ADAM23: variants seen among roughly 807,000 people sequenced by gnomAD.
ADAM23 encodes ADAM metallopeptidase domain 23.
A neutral mutation model predicts 120.1 loss-of-function variants in ADAM23; 33 were observed. That is an observed-to-expected ratio of 0.27 (90% CI 0.21 to 0.37). The LOEUF (loss-of-function observed/expected upper bound fraction) is 0.37. Among genes scored for constraint, ADAM23 ranks in the 10% least tolerant of loss-of-function variants. The probability of loss-of-function intolerance (pLI) is 1.00; values close to 1 mark genes in which losing one functional copy is unlikely to be tolerated. For synonymous variants in ADAM23, 367 were observed against 375.2 expected, an observed-to-expected ratio of 0.98 and a Z score of 0.25; for missense variants, 862 against 1,058.2, an observed-to-expected ratio of 0.81 and a Z score of 2.57.
rs181488253 is a variant in ADAM23, at chr2:206,618,898, A to G, written c.*1271A>G. On this transcript the variant is annotated 3_prime_UTR_variant, in exon 26 of 26. Transcript: ENST00000264377. ...CATGATTTTGGTTTTCGGTTTTGAC[A>G]ATTTTCTTTCCCTGTCTTTAATGTG... 6.6e-6 allele frequency: 1 copy of G among 152,334 alleles called. No homozygotes were observed. The highest frequency in any genetic ancestry group is 1.9e-4 in the East Asian group (1 of 5,192). 9.4% of individuals were successfully genotyped at this position (152,334 alleles called of 1,614,324 possible).
chr2:206,596,724 G>A (rs1281485184), intron 24 of ADAM23, among the ~76,000 whole-genome samples: 3 of 152,100 alleles, frequency 2.0e-5, no homozygotes, highest in African/African-American at 7.2e-5. Context: ...GGATTAGAAA[G>A]AGACTCAGGG....
At chr2:206,452,905 A>G (rs990850932) in intron 2 of ADAM23, among the ~76,000 whole-genome samples, 7 of 152,016 alleles carry the variant, frequency 4.6e-5, no homozygotes, top group African/African-American at 1.7e-4. Flanking sequence ...TCTTCTCTGC[A>G]TTGTGTTCTT....
At position 206,517,524 on chromosome 2, in the gene ADAM23, C is replaced by G. The variant is rs552320191; in HGVS notation, c.510-13361C>G. On this transcript the variant is annotated intron_variant, in intron 3 of 25. Transcript: ENST00000264377. ...CAAGAACTGTGGATGCAATGTGGTG[C>G]CTGTCCTTTTTATGGGATGGTTATT... Among the ~76,000 whole-genome samples the G allele has an allele frequency of 7.9e-5, 12 of 152,262 alleles. No individual in the cohort carries two copies. The South Asian group carries it at 1.9e-3, about 24-fold the overall frequency.
intron 2 of ADAM23, among the ~76,000 whole-genome samples, chr2:206,465,930 T>G (rs1417102122): frequency 6.6e-6 from 1 of 152,200 alleles, no homozygotes; most frequent in African/African-American, 2.4e-5. Flanking sequence ...AAACCTACAT[T>G]ATTTAGTAGG....
At chr2:206,587,896 A>G (rs1574551360) in intron 19 of ADAM23, among the ~76,000 whole-genome samples, 195 bp from the exon 20 acceptor site, 1 of 152,358 alleles carries the variant, frequency 6.6e-6, no homozygotes, top group South Asian at 2.1e-4. Context: ...GAGCTGTACA[A>G]TGAGTTCTGT....
chr2:206,547,152 G>GT (rs1237189242), intron 6 of ADAM23, among the ~76,000 whole-genome samples: 1 of 152,002 alleles, frequency 6.6e-6, no homozygotes, highest in Non-Finnish European at 1.5e-5. Flanking sequence ...TTGACTTTTT[G>GT]TGTTTCTTGT....
At chr2:206,486,696 T>G (rs1696020182) in intron 3 of ADAM23, among the ~76,000 whole-genome samples, 1 of 152,062 alleles carries the variant, frequency 6.6e-6, no homozygotes, top group African/African-American at 2.4e-5. Context: ...CTCCTTTTCC[T>G]CCTCCTCCTC....
rs770811703 is a variant in ADAM23 at position 206,445,297 on chromosome 2, C to T, written c.215-10C>T. ...TATTTTCTGCTCCCCCACCCCCCTACCTCCACCAGCTCCGCATTGGAATGA... is the reference window on the plus strand; with the variant it reads ...TATTTTCTGCTCCCCCACCCCCCTATCTCCACCAGCTCCGCATTGGAATGA... On this transcript the variant is annotated splice_polypyrimidine_tract_variant and intron_variant, in intron 1 of 25. Coordinates refer to ENST00000264377, the MANE Select transcript of ADAM23 (RefSeq NM_003812.4). The T allele has an allele frequency of 1.2e-5, 19 of 1,611,108 alleles. No homozygotes were observed. The highest frequency in any genetic ancestry group is 2.7e-5 in the African/African-American group (2 of 74,840).
chr2:206,553,123 A>G (rs1231527176), intron 9 of ADAM23, among the ~76,000 whole-genome samples: 1 of 152,216 alleles, frequency 6.6e-6, no homozygotes, highest in Non-Finnish European at 1.5e-5. Flanking sequence ...CACGCCTATA[A>G]TCGCAGCACT....
At chr2:206,501,345 T>C (rs1696383097) in intron 3 of ADAM23, among the ~76,000 whole-genome samples, 1 of 152,202 alleles carries the variant, frequency 6.6e-6, no homozygotes, top group Non-Finnish European at 1.5e-5. Context: ...AAGTACTTTT[T>C]TTTTTCATGT....
intron 24 of ADAM23, chr2:206,607,327 T>C (rs935540669): frequency 6.6e-5 from 10 of 152,252 alleles, no homozygotes; most frequent in African/African-American, 2.4e-4. Flanking sequence ...TTGACTGGAT[T>C]GTATACAGAA....
At chr2:206,573,590 T>G (rs543567969) in intron 18 of ADAM23, among the ~76,000 whole-genome samples, 20 of 152,206 alleles carry the variant, frequency 1.3e-4, no homozygotes, top group Admixed American at 1.3e-3. Flanking sequence ...GGCAATTACT[T>G]TCTTGTACTT....
intron 3 of ADAM23, among the ~76,000 whole-genome samples, chr2:206,502,026 A>G (rs1353623028): frequency 1.3e-5 from 2 of 152,176 alleles, no homozygotes; most frequent in South Asian, 2.1e-4. Context: ...ATTAATTTGT[A>G]TCTGGTTGCA....
chr2:206,477,897 A>AAATATATATATATATATATATAT (rs374524658), intron 2 of ADAM23, among the ~76,000 whole-genome samples: 25 of 93,550 alleles, frequency 2.7e-4, no homozygotes, highest in Non-Finnish European at 4.1e-4. Context: ...AAAAAAAAAA[A>AAATATATATATATATATATATAT]ATATATATAT....
chr2:206,538,709 T>C (rs913708354), intron 4 of ADAM23, among the ~76,000 whole-genome samples: 1 of 152,186 alleles, frequency 6.6e-6, no homozygotes, highest in South Asian at 2.1e-4. Flanking sequence ...ATTAAAACTA[T>C]TGGTTCTATT....
rs536234382 is a variant in ADAM23, at chr2:206,491,620, T to C, written c.509+10312T>C. ...TAATGTATAAAAATTCCAGCAGAAG[T>C]TAATTGTGACAAAAAATTGAAAAGC... On this transcript the variant is annotated intron_variant, in intron 3 of 25. Transcript: ENST00000264377. 3.3e-5 allele frequency among the ~76,000 whole-genome samples: 5 copies of C among 152,302 alleles called. No individual in the cohort carries two copies. The South Asian group carries it at 1.0e-3, about 32-fold the overall frequency.
chr2:206,588,095 G>A lies in ADAM23; in HGVS notation c.1793G>A (p.Arg598His), dbSNP rs376901578. 4.3e-6 allele frequency: 7 copies of A among 1,613,914 alleles called. No homozygotes were observed. Among genetic ancestry groups the A allele is most frequent in the Non-Finnish European group, 5.9e-6 (7 of 1,179,940 alleles). The change falls in exon 20 of 26, where the codon CGC becomes CAC. Residue 598 changes from arginine (R) to histidine (H), a missense_variant. Coordinates refer to ENST00000264377, the MANE Select transcript of ADAM23 (RefSeq NM_003812.4). Reference sequence around the variant, plus strand: ...CATGTGTGCTCCTGTCCCCAGGGCCGCTGCTACAATGGCGAGTGCAAGACC... The same window carrying A: ...CATGTGTGCTCCTGTCCCCAGGGCCACTGCTACAATGGCGAGTGCAAGACC... ...DGYACNQNQGRCYNGECKTRD... is the reference protein window; with the variant it reads ...DGYACNQNQGHCYNGECKTRD...
intron 3 of ADAM23, 103 bp from the exon 4 acceptor site, chr2:206,530,782 A>G (rs1697042962): frequency 6.1e-6 from 5 of 825,892 alleles, no homozygotes; most frequent in Non-Finnish European, 7.6e-6. Flanking sequence ...GACTGCAGCT[A>G]TTTCTGGTTT....
At chr2:206,484,403 A>G (rs191738273) in intron 3 of ADAM23, among the ~76,000 whole-genome samples, 1 of 151,904 alleles carries the variant, frequency 6.6e-6, no homozygotes, top group Non-Finnish European at 1.5e-5. Context: ...GTCTTTGTGT[A>G]TTTCTTTCTG....
Sources: gnomAD v4.1 joint callset for allele counts (sites outside exome capture counted in the v4.1 genomes callset) on GRCh38, gnomAD v4.1.1 for gene constraint, MANE v1.5 for transcripts, NCBI Gene and HGNC (gene_info 2026-07-23, HGNC 2026-07-21) for gene names.